The following NUBPL variants were observed in gnomAD, a reference collection of about 807,000 sequenced individuals.
The protein encoded by NUBPL is iron-sulfur cluster transfer protein NUBPL.
In NUBPL, 31 loss-of-function variants were observed where a neutral mutation model predicts 45.7. The observed-to-expected ratio is 0.68, with a 90% CI of 0.51 to 0.92. NUBPL has a LOEUF of 0.92. Among genes scored for constraint, NUBPL ranks in the 40% least tolerant of loss-of-function variants. The pLI, the probability that NUBPL is intolerant of heterozygous loss-of-function variation, is 0.00. For synonymous variants in NUBPL, 144 were observed against 140.9 expected (o/e 1.02, Z -0.15); for missense variants, 401 against 398.7 (o/e 1.01, Z -0.05).
intron 4 of NUBPL, among the ~76,000 whole-genome samples, chr14:31,615,959 G>A (rs956100229): frequency 2.6e-5 from 4 of 151,998 alleles, no homozygotes; most frequent in South Asian, 4.2e-4. Context: ...CCAGCATCTC[G>A]TTTCTTGACT....
intron 8 of NUBPL, among the ~76,000 whole-genome samples, chr14:31,834,227 CTGG>C (rs1346221868): frequency 7.4e-6 from 1 of 135,096 alleles, no homozygotes; most frequent in East Asian, 2.2e-4. Context: ...TGTCGCCAGG[CTGG>C]AGTGCAGTGG....
rs563851669 is a variant in NUBPL at position 31,859,176 on chromosome 14, A to G, written c.956A>G (p.Glu319Gly). 3.5e-5 allele frequency: 56 copies of G among 1,613,762 alleles called. No homozygotes were observed. The Middle Eastern group carries it at 5.0e-4, about 14-fold the overall frequency. ...EVVRRLPSPS[E>G] ...GTAAGAAGATTGCCATCACCTTCAG[A>G]ATGATTCCCCAAGTGTCCTGGAAAT... Residue 319 changes from glutamate (E) to glycine (G), a missense_variant, in exon 11 of 11, where the codon GAA (glutamate) becomes GGA (glycine). Physicochemically the swap from Glu to Gly is moderately conservative, Grantham distance 98. Coordinates refer to ENST00000281081, the MANE Select transcript of NUBPL (RefSeq NM_025152.3).
intron 6 of NUBPL, among the ~76,000 whole-genome samples, chr14:31,723,536 A>G (rs555082325): frequency 4.6e-5 from 7 of 152,328 alleles, no homozygotes; most frequent in South Asian, 2.1e-4. Flanking sequence ...TTTGAGCAGT[A>G]TGACCATTTA....
At chr14:31,561,878 A>G (rs958546168) in intron 1 of NUBPL, 190 bp from the exon 2 acceptor site, 1 of 638,748 alleles carries the variant, frequency 1.6e-6, no homozygotes, top group Non-Finnish European at 2.7e-6. Flanking sequence ...TGCTAGAAAA[A>G]TTTCAATTTA....
chr14:31,852,273 G>A lies in NUBPL; in HGVS notation c.897+2072G>A, dbSNP rs188479818. Among the ~76,000 whole-genome samples the A allele has an allele frequency of 7.9e-5, 12 of 152,322 alleles. No homozygotes were observed. The South Asian group carries it at 8.3e-4, about 11-fold the overall frequency. On this transcript the variant is annotated intron_variant, in intron 10 of 10. Coordinates refer to ENST00000281081, the MANE Select transcript of NUBPL (RefSeq NM_025152.3). ...TTACCTTCTGAAACTGCCTGTATAA[G>A]ATGTCATGACACTAAATGTCTCTCC...
Position 31,652,379 on chromosome 14 carries a change from G to A in NUBPL, c.383-20976G>A, listed in dbSNP as rs142942640. On this transcript the variant is annotated intron_variant, in intron 4 of 10. Coordinates refer to ENST00000281081, the MANE Select transcript of NUBPL (RefSeq NM_025152.3). ...AAGTTGAGGAGAGCCATTGTACAGC[G>A]TGGGGACTGTAGTTAAAATACTAAT... Among the ~76,000 whole-genome samples the A allele has an allele frequency of 5.3e-4, 80 of 152,258 alleles. 1 individual carries two copies. The highest frequency in any genetic ancestry group is 1.6e-3 in the African/African-American group (68 of 41,540).
chr14:31,659,859 T>C (rs2036227064), intron 4 of NUBPL, among the ~76,000 whole-genome samples: 1 of 152,114 alleles, frequency 6.6e-6, no homozygotes, highest in African/African-American at 2.4e-5. Context: ...GTGGAAAGGA[T>C]GAATTGGAAA....
At chr14:31,708,969 C>T (rs2037512637) in intron 6 of NUBPL, among the ~76,000 whole-genome samples, 1 of 152,178 alleles carries the variant, frequency 6.6e-6, no homozygotes, top group Non-Finnish European at 1.5e-5. Context: ...GATTGGCCTG[C>T]TCCATTTTCT....
At position 31,815,359 on chromosome 14, in the gene NUBPL, T is replaced by C. The variant is rs554103987; in HGVS notation, c.608-11270T>C. On this transcript the variant is annotated intron_variant, in intron 7 of 10. Transcript: ENST00000281081. ...TTTGTCTGTTATTGGTATATAGGCA[T>C]GCTTGTGATTTTTGCACATTGATTT... 2.0e-5 allele frequency among the ~76,000 whole-genome samples: 3 copies of C among 152,310 alleles called. No homozygotes were observed. In the East Asian group the frequency reaches 5.8e-4, roughly 29 times the overall value.
At chr14:31,791,486 C>G (rs1200270943) in intron 7 of NUBPL, among the ~76,000 whole-genome samples, 1 of 152,050 alleles carries the variant, frequency 6.6e-6, no homozygotes, top group African/African-American at 2.4e-5. Flanking sequence ...TTGATGAAAA[C>G]TCTGGATTTT....
chr14:31,654,518 C>T (rs907956707), intron 4 of NUBPL, among the ~76,000 whole-genome samples: 2 of 151,740 alleles, frequency 1.3e-5, no homozygotes, highest in African/African-American at 2.4e-5. Context: ...ATGCCATTCT[C>T]CTGCCTCAGC....
Position 31,693,852 on chromosome 14 carries a change from C to CTTT in NUBPL, c.513+20280_513+20282dup, listed in dbSNP as rs138873656. On this transcript the variant is annotated intron_variant, in intron 6 of 10. Coordinates refer to ENST00000281081, the MANE Select transcript of NUBPL (RefSeq NM_025152.3). ...TTAAACATGAGGTAGATTTTCTTTT[C>CTTT]TTTTCTTTTTTTTTTTTTTTTGAGA... is the stretch of plus-strand genomic sequence containing the variant. Among the ~76,000 whole-genome samples, 131 of 66,538 alleles carry CTTT rather than the reference C, an allele frequency of 2.0e-3. 1 individual carries two copies. Among genetic ancestry groups the CTTT allele is most frequent in the African/African-American group, 4.9e-3 (108 of 22,140 alleles). 43.7% of individuals were successfully genotyped at this position (66,538 alleles called of 152,430 possible).
intron 2 of NUBPL, among the ~76,000 whole-genome samples, chr14:31,563,266 T>C (rs2033347707): frequency 6.6e-6 from 1 of 152,198 alleles, no homozygotes; most frequent in Non-Finnish European, 1.5e-5. Context: ...ATGGAAGGTG[T>C]TTTCATGATT....
chr14:31,593,339 C>T (rs2034193535), intron 3 of NUBPL, among the ~76,000 whole-genome samples: 1 of 151,682 alleles, frequency 6.6e-6, no homozygotes, highest in Non-Finnish European at 1.5e-5. Flanking sequence ...CGGTGAAACC[C>T]CATCTCTACT....
chr14:31,818,523 T>A (rs934719483), intron 7 of NUBPL, among the ~76,000 whole-genome samples: 2 of 152,186 alleles, frequency 1.3e-5, no homozygotes, highest in Non-Finnish European at 2.9e-5. Context: ...TTGTGTTTAA[T>A]TCTTTTTTCC....
intron 6 of NUBPL, among the ~76,000 whole-genome samples, chr14:31,699,631 C>T (rs1233755139): frequency 6.6e-6 from 1 of 152,126 alleles, no homozygotes; most frequent in Non-Finnish European, 1.5e-5. Context: ...AATGTCATCC[C>T]TGAAACGCTA....
At chr14:31,585,603 CTGTT>C (rs1315281013) in intron 3 of NUBPL, among the ~76,000 whole-genome samples, 1 of 152,200 alleles carries the variant, frequency 6.6e-6, no homozygotes, top group East Asian at 1.9e-4. Context: ...CTCTGTCTAA[CTGTT>C]TGAGGAACTG....
chr14:31,636,210 T>G (rs2139678506), intron 4 of NUBPL, among the ~76,000 whole-genome samples: 1 of 152,232 alleles, frequency 6.6e-6, no homozygotes, highest in East Asian at 1.9e-4. Flanking sequence ...CCATTCAGTA[T>G]GATATTGGCT....
intron 6 of NUBPL, among the ~76,000 whole-genome samples, chr14:31,719,991 G>C (rs1257073863): frequency 6.6e-6 from 1 of 151,976 alleles, no homozygotes; most frequent in Non-Finnish European, 1.5e-5. Flanking sequence ...ACTCTTAAGA[G>C]CTTATTGGAT....
Sources: gnomAD v4.1 joint callset for allele counts (sites outside exome capture counted in the v4.1 genomes callset) on GRCh38, gnomAD v4.1.1 for gene constraint, MANE v1.5 for transcripts, NCBI Gene and HGNC (gene_info 2026-07-23, HGNC 2026-07-21) for gene names.